Variants in AZIN2 observed in about 807,000 individuals in gnomAD.
The protein encoded by AZIN2 is ODC antizyme inhibitor-2.
Under a neutral mutation model 47.8 loss-of-function variants are expected in AZIN2, and 28 were observed. The observed-to-expected ratio is 0.59, with a 90% CI of 0.43 to 0.80. AZIN2 has a LOEUF of 0.80. AZIN2 is among the 30% of genes least tolerant of loss of function. AZIN2 has a pLI of 0.00. For missense variants in AZIN2, 535 were observed against 582.5 expected (o/e 0.92, Z 0.84); for synonymous variants, 221 against 239.4 (o/e 0.92, Z 0.71).
the AZIN2 span, chr1:33,164,390 C>A: frequency 6.6e-6 from 1 of 152,304 alleles, no homozygotes; most frequent in Non-Finnish European, 1.5e-5. Flanking sequence ...CCAGGCCTCA[C>A]GACACAGAGT....
intron 11 of AZIN2, 35 bp downstream of exon 11, chr1:33,118,151 G>A: frequency 6.7e-7 from 1 of 1,499,162 alleles, no homozygotes; most frequent in Non-Finnish European, 8.9e-7. Flanking sequence ...GGGGTATGGG[G>A]AGGAACTGGG....
At chr1:33,147,484 C>T in the AZIN2 span, 27 of 1,613,148 alleles carry the variant, frequency 1.7e-5, no homozygotes, top group Non-Finnish European at 2.0e-5. The surrounding 1 kb of genome is among the most constrained non-coding windows in gnomAD (Gnocchi z 8.1). Context: ...GCTGCCCTTG[C>T]GGCTTGCGGC....
At chr1:33,128,806 C>T in the AZIN2 span, among the ~76,000 whole-genome samples, 1 of 152,186 alleles carries the variant, frequency 6.6e-6, no homozygotes, top group East Asian at 1.9e-4. Context: ...CTACTAAATC[C>T]TACTTATGGA....
chr1:33,161,745 G>A, the AZIN2 span, among the ~76,000 whole-genome samples: 2 of 152,168 alleles, frequency 1.3e-5, no homozygotes, highest in African/African-American at 4.8e-5. The surrounding 1 kb of genome is among the most constrained non-coding windows in gnomAD (Gnocchi z 4.3). Flanking sequence ...GCCCTCCACA[G>A]GCGCCCAGAC....
At chr1:33,142,698 C>CA in the AZIN2 span, 1 of 152,218 alleles carries the variant, frequency 6.6e-6, no homozygotes, top group Admixed American at 6.5e-5. Flanking sequence ...TTTAACCTCC[C>CA]ACTTTAAATC....
the AZIN2 span, chr1:33,158,302 G>A: frequency 5.4e-5 from 87 of 1,614,082 alleles, no homozygotes; most frequent in African/African-American, 1.0e-3. Context: ...ACTGCAGGGG[G>A]CCTGTGTACT....
At chr1:33,082,125 G>C (rs1358778269) in intron 3 of AZIN2, 53 bp from the exon 4 acceptor site, 2 of 786,042 alleles carry the variant, frequency 2.5e-6, no homozygotes, top group Non-Finnish European at 4.3e-6. Context: ...GAGGCGAGTG[G>C]GGCAGCAGAG....
chr1:33,150,850 C>T, the AZIN2 span, among the ~76,000 whole-genome samples: 19 of 152,264 alleles, frequency 1.2e-4, no homozygotes, highest in African/African-American at 4.3e-4. Flanking sequence ...GTGGATCACA[C>T]TCAGGTGTGA....
At chr1:33,162,564 A>C in the AZIN2 span, among the ~76,000 whole-genome samples, 1 of 152,324 alleles carries the variant, frequency 6.6e-6, no homozygotes, top group East Asian at 1.9e-4. Context: ...GCTGGCAATC[A>C]GGAGTTGCTT....
At chr1:33,083,470 T>C (rs933013033) in intron 4 of AZIN2, 11 of 229,790 alleles carry the variant, frequency 4.8e-5, no homozygotes, top group Non-Finnish European at 7.0e-5. Context: ...CAGTGAGCTG[T>C]AGGTCATAGC....
At position 33,118,072 on chromosome 1, in the gene AZIN2, G is replaced by T; in HGVS notation, c.1200G>T (p.Gly400=). Reference sequence around the variant, plus strand: ...TGGGCATGGGTTCCCCCTTTTGGGGGACCCAGGCCTGCCACATCACCTATG... The same window carrying T: ...TGGGCATGGGTTCCCCCTTTTGGGGTACCCAGGCCTGCCACATCACCTATG... ...YTVGMGSPFW[G]TQACHITYAM... is the part of the protein sequence containing the mutation. The change falls in exon 11 of 12, where the codon GGG becomes GGT. Residue 400 remains glycine, a synonymous_variant. Transcript: ENST00000294517. 6.6e-7 allele frequency: 1 copy of T among 1,522,754 alleles called. No homozygotes were observed. The highest frequency in any genetic ancestry group is 1.3e-5 in the South Asian group (1 of 75,398). 94.3% of individuals were successfully genotyped at this position (1,522,754 alleles called of 1,614,324 possible).
chr1:33,126,713 C>G (rs1177638442), downstream of AZIN2, among the ~76,000 whole-genome samples: 1 of 152,102 alleles, frequency 6.6e-6, no homozygotes, highest in African/African-American at 2.4e-5. Flanking sequence ...CACGTAGGAC[C>G]CCCCCAATAG....
the AZIN2 span, chr1:33,159,976 G>T: frequency 6.3e-7 from 1 of 1,587,992 alleles, no homozygotes; most frequent in South Asian, 1.1e-5. This position sits in a 1 kb window ranked among gnomAD's most constrained non-coding sequence, Gnocchi z 4.2. Context: ...GGTTATGGCT[G>T]GGGGAGCAGA....
the AZIN2 span, among the ~76,000 whole-genome samples, chr1:33,158,094 T>A: frequency 6.6e-6 from 1 of 152,186 alleles, no homozygotes; most frequent in African/African-American, 2.4e-5. Flanking sequence ...AGCTGAGTGA[T>A]TGTGCAGGTG....
chr1:33,085,117 G>T lies in AZIN2; in HGVS notation c.279+990G>T, dbSNP rs574276087. Among the ~76,000 whole-genome samples the T allele has an allele frequency of 2.6e-4, 39 of 151,710 alleles. No individual in the cohort carries two copies. In the South Asian group the frequency reaches 7.9e-3, roughly 31 times the overall value. ...TAGAGCTGAAAGTATCTCATTTATT[G>T]ATTCAGCAAATATTAATTGGGCATC... On this transcript the variant is annotated intron_variant, in intron 5 of 11. Coordinates refer to ENST00000294517, the MANE Select transcript of AZIN2 (RefSeq NM_052998.4).
At chr1:33,151,286 G>A in the AZIN2 span, among the ~76,000 whole-genome samples, 3 of 152,084 alleles carry the variant, frequency 2.0e-5, no homozygotes, top group Admixed American at 1.3e-4. Context: ...CACTCACTGG[G>A]CCGGCCTAGG....
chr1:33,097,921 G>GCTGATGGCTT (rs1271444423), intron 9 of AZIN2, 146 bp from the exon 10 acceptor site: 2 of 628,366 alleles, frequency 3.2e-6, no homozygotes, highest in Non-Finnish European at 5.8e-6. Context: ...AAGGATGGCT[G>GCTGATGGCTT]CTGATGGCTT....
At chr1:33,097,954 G>T in intron 9 of AZIN2, 113 bp from the exon 10 acceptor site, 1 of 720,614 alleles carries the variant, frequency 1.4e-6, no homozygotes. Flanking sequence ...TCGCCTCATG[G>T]TTGAGGAATG....
At chr1:33,128,113 C>G (rs1045746505), downstream of AZIN2, among the ~76,000 whole-genome samples, 2 of 150,900 alleles carry the variant, frequency 1.3e-5, no homozygotes, top group Non-Finnish European at 2.9e-5. Flanking sequence ...CCTGTAATCC[C>G]AGCACTTTGG....
Sources: gnomAD v4.1 joint callset for allele counts (sites outside exome capture counted in the v4.1 genomes callset) on GRCh38, gnomAD v4.1.1 for gene constraint, Gnocchi (gnomAD v3.1) non-coding constraint, MANE v1.5 for transcripts, NCBI Gene and HGNC (gene_info 2026-07-23, HGNC 2026-07-21) for gene names.